Variants in FAM135A observed in about 807,000 individuals in gnomAD.
FAM135A encodes protein FAM135A.
Under a neutral mutation model 146.8 loss-of-function variants are expected in FAM135A, and 79 were observed. The ratio of observed to expected loss-of-function variants is 0.54; its 90% CI spans 0.45 to 0.65. The LOEUF (loss-of-function observed/expected upper bound fraction) is 0.65, where lower values mean the gene tolerates loss of function less well. Ranked by LOEUF, FAM135A falls within the 30% of genes least tolerant of loss-of-function variation. FAM135A has a pLI of 0.00. For missense variants in FAM135A, 1,623 were observed against 1,758.2 expected (o/e 0.92, Z 1.38); for synonymous variants, 562 against 603.6 (o/e 0.93, Z 1.01).
At chr6:70,537,185 C>T (rs940229709) in intron 19 of FAM135A, among the ~76,000 whole-genome samples, 3 of 152,076 alleles carry the variant, frequency 2.0e-5, no homozygotes, top group Admixed American at 6.5e-5. Context: ...CCGCCCGCCT[C>T]GGCCTCCCAA....
rs1043292199 is a variant in FAM135A at position 70,517,685 on chromosome 6, G to A, written c.1030-4828G>A. Among the ~76,000 whole-genome samples, 128 of 152,142 alleles carry A rather than the reference G, an allele frequency of 8.4e-4. 2 individuals are homozygous for A. Among genetic ancestry groups the A allele is most frequent in the Middle Eastern group, 3.4e-3 (1 of 294 alleles). The stretch of plus-strand genomic sequence containing the variant: ...CCACCTGCCTCGGCCTCCCATAGTG[G>A]TGGGATTACAGGCATGAGCCCCATG... On this transcript the variant is annotated intron_variant, in intron 12 of 21. Coordinates refer to ENST00000418814, the MANE Select transcript of FAM135A (RefSeq NM_001162529.3).
At chr6:70,438,257 A>G (rs932147148) in intron 4 of FAM135A, among the ~76,000 whole-genome samples, 2 of 152,222 alleles carry the variant, frequency 1.3e-5, no homozygotes, top group African/African-American at 4.8e-5. Context: ...AAGACATCTC[A>G]TATTTTGAAA....
At chr6:70,433,505 CT>C (rs61314362) in intron 4 of FAM135A, among the ~76,000 whole-genome samples, 61 of 147,012 alleles carry the variant, frequency 4.1e-4, no homozygotes, top group Admixed American at 7.5e-4. Context: ...TAAATCTTAA[CT>C]TTTTTTTTTT....
intron 18 of FAM135A, among the ~76,000 whole-genome samples, chr6:70,535,104 C>T (rs1796557539): frequency 6.6e-6 from 1 of 152,112 alleles, no homozygotes; most frequent in Non-Finnish European, 1.5e-5. Context: ...CAGTTATAAT[C>T]AATCATTTTC....
At position 70,527,374 on chromosome 6, in the gene FAM135A, G is replaced by T. The variant is rs201754286; in HGVS notation, c.3614+676G>T. On this transcript the variant is annotated intron_variant, in intron 15 of 21. Coordinates refer to ENST00000418814, the MANE Select transcript of FAM135A (RefSeq NM_001162529.3). ...AGAGGTCTTGGCATGTATATATATAGAGAGAGATTTTTAAAGTTCCCAGAT... is the reference window on the plus strand; with the variant it reads ...AGAGGTCTTGGCATGTATATATATATAGAGAGATTTTTAAAGTTCCCAGAT... Among the ~76,000 whole-genome samples the T allele has an allele frequency of 3.9e-5, 6 of 152,056 alleles. No homozygotes were observed. The East Asian group carries it at 5.8e-4, about 15-fold the overall frequency.
intron 4 of FAM135A, among the ~76,000 whole-genome samples, chr6:70,430,327 A>C (rs1469510768): frequency 6.6e-6 from 1 of 150,596 alleles, no homozygotes; most frequent in African/African-American, 2.4e-5. Context: ...ACAGAGTGAG[A>C]CTCTATCTAA....
intron 5 of FAM135A, among the ~76,000 whole-genome samples, chr6:70,461,278 T>A (rs1184289926): frequency 6.6e-6 from 1 of 152,206 alleles, no homozygotes; most frequent in Non-Finnish European, 1.5e-5. Context: ...CAGTTTCTCC[T>A]CTGTGCAGTG....
chr6:70,435,376 A>T (rs1221708447), intron 4 of FAM135A, among the ~76,000 whole-genome samples: 1 of 152,082 alleles, frequency 6.6e-6, no homozygotes, highest in Non-Finnish European at 1.5e-5. Context: ...AAGTGCTGGG[A>T]TTACAGGCGT....
At chr6:70,535,127 CT>C (rs1465731832) in intron 18 of FAM135A, among the ~76,000 whole-genome samples, 1 of 152,048 alleles carries the variant, frequency 6.6e-6, no homozygotes, top group Non-Finnish European at 1.5e-5. Context: ...GAAGTGTAAT[CT>C]GGTTGATTGT....
chr6:70,516,111 G>C (rs1561951576), intron 12 of FAM135A, among the ~76,000 whole-genome samples: 1 of 152,198 alleles, frequency 6.6e-6, no homozygotes, highest in East Asian at 1.9e-4. Flanking sequence ...TTTTACAGTT[G>C]TTTGCAGAAG....
Position 70,429,340 on chromosome 6 carries a change from C to A in FAM135A, c.77+921C>A, listed in dbSNP as rs1436085724. On this transcript the variant is annotated intron_variant, in intron 4 of 21. Transcript: ENST00000418814. ...CCAACCTGGCCAACATGGTGAAACC[C>A]TACCTCTACTAAAAATACAAAAATT... is the stretch of plus-strand genomic sequence containing the variant. Among the ~76,000 whole-genome samples, 4 of 152,028 alleles carry A rather than the reference C, an allele frequency of 2.6e-5. No individual in the cohort carries two copies. In the East Asian group the frequency reaches 7.7e-4, roughly 29 times the overall value.
At chr6:70,417,779 A>G (rs1767881776) in intron 2 of FAM135A, 1 of 217,078 alleles carries the variant, frequency 4.6e-6, no homozygotes, top group Non-Finnish European at 7.8e-6. Context: ...CCTTATTGGC[A>G]ATAAAAAATG....
chr6:70,414,593 C>T (rs904911691), intron 1 of FAM135A, among the ~76,000 whole-genome samples: 1 of 148,786 alleles, frequency 6.7e-6, no homozygotes, highest in Admixed American at 6.8e-5. Flanking sequence ...CTGAAGACTT[C>T]TTTGTGACAT....
intron 12 of FAM135A, among the ~76,000 whole-genome samples, chr6:70,516,713 T>A (rs1192881185): frequency 6.6e-6 from 1 of 151,918 alleles, no homozygotes; most frequent in Non-Finnish European, 1.5e-5. Flanking sequence ...TTTTTTGTAT[T>A]TTTGGTAGAG....
intron 2 of FAM135A, among the ~76,000 whole-genome samples, chr6:70,420,181 T>C (rs1476426428): frequency 6.6e-6 from 1 of 152,202 alleles, no homozygotes; most frequent in African/African-American, 2.4e-5. Flanking sequence ...CTCCAATTTG[T>C]TCAACTTCTT....
rs1794615902 is a variant in FAM135A, at chr6:70,526,005, T to C, written c.2921T>C (p.Leu974Ser). 6.2e-7 allele frequency: 1 copy of C among 1,612,596 alleles called. No homozygotes were observed. Residue 974 changes from leucine (L) to serine (S), a missense_variant, in exon 15 of 22, where the codon TTA becomes TCA. By Grantham distance (145) the Leu-to-Ser change is moderately radical. This residue lies in a region of FAM135A where 1,061 missense variants were observed against 1,113.8 expected (regional missense o/e 0.95). Transcript: ENST00000418814. ...AITLNSKLIC[L>S]GTPCVISGSI... is the part of the protein sequence containing the mutation. ...ACATTAAATTCAAAACTGATTTGTT[T>C]AGGCACTCCTTGTGTCATTTCAGGT...
intron 2 of FAM135A, among the ~76,000 whole-genome samples, chr6:70,426,181 C>A (rs900657547): frequency 2.0e-5 from 3 of 151,688 alleles, no homozygotes; most frequent in Non-Finnish European, 4.4e-5. Flanking sequence ...AGGGTTCCTA[C>A]TGAACTAAGA....
chr6:70,458,029 T>A (rs1778705681), intron 5 of FAM135A, among the ~76,000 whole-genome samples: 1 of 152,162 alleles, frequency 6.6e-6, no homozygotes, highest in Non-Finnish European at 1.5e-5. Context: ...AATAAATAGT[T>A]TGTGGCAGAC....
intron 10 of FAM135A, among the ~76,000 whole-genome samples, chr6:70,486,686 T>TA: frequency 6.6e-6 from 1 of 152,250 alleles, no homozygotes; most frequent in African/African-American, 2.4e-5. Flanking sequence ...CCCAGCACTT[T>TA]GGGAGGCCAA....
Sources: allele counts gnomAD v4.1 joint callset (sites outside exome capture counted in the v4.1 genomes callset), GRCh38; gene constraint gnomAD v4.1.1; regional missense constraint gnomAD v4.1.1; transcripts MANE v1.5; gene names NCBI Gene and HGNC (gene_info 2026-07-23, HGNC 2026-07-21).